DUSP16: variants seen among roughly 807,000 people sequenced by gnomAD.
The protein encoded by DUSP16 is dual specificity phosphatase 16.
In DUSP16, 21 loss-of-function variants were observed where a neutral mutation model predicts 58.3. The ratio of observed to expected loss-of-function variants is 0.36; its 90% CI spans 0.26 to 0.52. The LOEUF is 0.52. Among genes scored for constraint, DUSP16 ranks in the 20% least tolerant of loss-of-function variants. The pLI, the probability that DUSP16 is intolerant of heterozygous loss-of-function variation, is 0.94. For missense variants in DUSP16, 726 were observed against 819.0 expected, an observed-to-expected ratio of 0.89 and a Z score of 1.39; for synonymous variants, 320 against 323.8, an observed-to-expected ratio of 0.99 and a Z score of 0.12.
intron 1 of DUSP16, among the ~76,000 whole-genome samples, chr12:12,530,914 T>C (rs1944374020): frequency 6.6e-6 from 1 of 152,182 alleles, no homozygotes; most frequent in Non-Finnish European, 1.5e-5. Context: ...TTCAAGGTTC[T>C]CTCCTTGTCA....
In DUSP16 at chr12:12,509,836, C is replaced by A. The variant is rs1225806670; in HGVS notation, c.368-9154G>T. The stretch of plus-strand genomic sequence containing the variant: ...AAGGATTTCCTGATTCCATTCAAAG[C>A]CAAAAGCTAGTTGGTGTGGGTGGGG... On this transcript the variant is annotated intron_variant, in intron 3 of 6. Transcript: ENST00000298573. Among the ~76,000 whole-genome samples the A allele has an allele frequency of 5.3e-5, 8 of 152,102 alleles. No individual in the cohort carries two copies. The East Asian group carries it at 1.5e-3, about 29-fold the overall frequency.
At chr12:12,539,885 T>C (rs1182008425) in intron 1 of DUSP16, among the ~76,000 whole-genome samples, 1 of 151,938 alleles carries the variant, frequency 6.6e-6, no homozygotes, top group Non-Finnish European at 1.5e-5. Flanking sequence ...ACCCCGTCTC[T>C]ACTAAAAAAT....
At chr12:12,500,442 A>G (rs1409888904) in intron 4 of DUSP16, 77 bp downstream of exon 4, 21 of 1,470,420 alleles carry the variant, frequency 1.4e-5, no homozygotes, top group Non-Finnish European at 1.9e-5. Flanking sequence ...TGTGTTTCAA[A>G]TGACATAATG....
chr12:12,558,661 T>C (rs939585455), intron 1 of DUSP16, among the ~76,000 whole-genome samples: 1 of 152,206 alleles, frequency 6.6e-6, no homozygotes, highest in Non-Finnish European at 1.5e-5. Context: ...ATTATAGGAA[T>C]GAGCCACCAC....
chr12:12,532,681 C>T (rs975751408), intron 1 of DUSP16, among the ~76,000 whole-genome samples: 3 of 152,188 alleles, frequency 2.0e-5, no homozygotes, highest in African/African-American at 7.2e-5. Context: ...GGCACAGTGG[C>T]TCATGCCTGT....
At chr12:12,511,530 C>A (rs1279582698) in intron 3 of DUSP16, among the ~76,000 whole-genome samples, 1 of 152,046 alleles carries the variant, frequency 6.6e-6, no homozygotes, top group East Asian at 1.9e-4. Flanking sequence ...ATGCGCAGAA[C>A]CCTCCCTACC....
intron 1 of DUSP16, among the ~76,000 whole-genome samples, chr12:12,551,210 G>A (rs945496670): frequency 7.3e-5 from 11 of 151,648 alleles, no homozygotes; most frequent in African/African-American, 2.7e-4. Context: ...AAGAAAAACC[G>A]GCAATATTGG....
intron 3 of DUSP16, among the ~76,000 whole-genome samples, chr12:12,507,110 G>C (rs566262948): frequency 6.6e-6 from 1 of 152,268 alleles, no homozygotes; most frequent in African/African-American, 2.4e-5. Flanking sequence ...ATTCCAATTA[G>C]TCACTCTTTT....
At chr12:12,511,713 T>C (rs1944081647) in intron 3 of DUSP16, among the ~76,000 whole-genome samples, 1 of 152,050 alleles carries the variant, frequency 6.6e-6, no homozygotes, top group Admixed American at 6.5e-5. Flanking sequence ...TTCCCCAAAT[T>C]AACCACTACA....
chr12:12,495,599 T>C (rs2136206709), intron 4 of DUSP16, among the ~76,000 whole-genome samples: 1 of 152,346 alleles, frequency 6.6e-6, no homozygotes, highest in Non-Finnish European at 1.5e-5. Context: ...GACTGTGAAG[T>C]AGTACAGAGA....
rs146020241 is a variant in DUSP16, at chr12:12,487,662, C to CGT, written c.532-477_532-476dup. Among the ~76,000 whole-genome samples the CGT allele has an allele frequency of 6.6e-5, 10 of 151,852 alleles. No homozygotes were observed. The South Asian group carries it at 8.3e-4, about 13-fold the overall frequency. The stretch of plus-strand genomic sequence containing the variant: ...AATTACCAGTTCTACATGCTGATGG[C>CGT]GTGTGTGTGTGTGTCCTCTTAAATT... On this transcript the variant is annotated intron_variant, in intron 4 of 6. Transcript: ENST00000298573.
At chr12:12,504,605 A>G (rs957238733) in intron 3 of DUSP16, among the ~76,000 whole-genome samples, 2 of 151,224 alleles carry the variant, frequency 1.3e-5, no homozygotes, top group African/African-American at 2.4e-5. Context: ...ATATTTTTCA[A>G]TTCTGGCTCT....
Position 12,562,809 on chromosome 12 carries a change from T to C in DUSP16, c.-1058A>G, listed in dbSNP as rs1179352926. ...CCCGGAGCGCGGCTCCGCGCCTCGT[T>C]CCGGCCGCTCGGGGAGGGGTCAGGT... On this transcript the variant is annotated 5_prime_UTR_variant, in exon 1 of 7. Transcript: ENST00000298573. 6.6e-6 allele frequency among the ~76,000 whole-genome samples: 1 copy of C among 151,540 alleles called. No individual in the cohort carries two copies. Among genetic ancestry groups the C allele is most frequent in the African/African-American group, 2.4e-5 (1 of 41,314 alleles).
rs1173572888 is a variant in DUSP16, at chr12:12,474,958, C to T, written c.*1875G>A. On this transcript the variant is annotated 3_prime_UTR_variant, in exon 7 of 7. Transcript: ENST00000298573. ...CTTTCCCAGTATCATAACAATGCGG[C>T]TGACCCTCTTCTGCCTTCACTTTAC... is the stretch of plus-strand genomic sequence containing the variant. 1 of 152,214 alleles carries T rather than the reference C, an allele frequency of 6.6e-6. No individual in the cohort carries two copies. Among genetic ancestry groups the T allele is most frequent in the Non-Finnish European group, 1.5e-5 (1 of 68,038 alleles). The allele number at this position is 152,214 out of a possible 1,614,324, so 9.4% of individuals were successfully genotyped here.
chr12:12,475,716 C>T lies in DUSP16; in HGVS notation c.*1117G>A, dbSNP rs1164615136. 2.6e-5 allele frequency: 4 copies of T among 152,182 alleles called. No homozygotes were observed. The highest frequency in any genetic ancestry group is 4.8e-5 in the African/African-American group (2 of 41,452). The allele number at this position is 152,182 out of a possible 1,614,324, so 9.4% of individuals were successfully genotyped here. A position where few individuals can be genotyped will look rare whatever the true frequency, so the allele number is the denominator to read the frequency against. ...CCTGCTTCTCCTCAGCAATTTGTAC[C>T]TTTCTTAATCTTCCCATAATTTACC... On this transcript the variant is annotated 3_prime_UTR_variant, in exon 7 of 7. Coordinates refer to ENST00000298573, the MANE Select transcript of DUSP16 (RefSeq NM_030640.3).
intron 1 of DUSP16, among the ~76,000 whole-genome samples, chr12:12,528,912 A>C (rs1944343887): frequency 6.6e-6 from 1 of 152,170 alleles, no homozygotes; most frequent in African/African-American, 2.4e-5. Context: ...TTACCTTGAG[A>C]ACATGAGAGA....
In DUSP16 at chr12:12,510,073, A is replaced by T. The variant is rs1487373295; in HGVS notation, c.368-9391T>A. On this transcript the variant is annotated intron_variant, in intron 3 of 6. Transcript: ENST00000298573. ...GGACTTTACATAAAAGGGAAAGAAA[A>T]TTTTTTCTGATGCCCCTAAATGGCG... is the stretch of plus-strand genomic sequence containing the variant. Among the ~76,000 whole-genome samples, 3 of 151,932 alleles carry T rather than the reference A, an allele frequency of 2.0e-5. 1 individual carries two copies. The highest frequency in any genetic ancestry group is 4.4e-5 in the Non-Finnish European group (3 of 67,984).
intron 3 of DUSP16, chr12:12,506,021 T>G (rs1351975426): frequency 6.6e-6 from 1 of 152,210 alleles, no homozygotes; most frequent in Non-Finnish European, 1.5e-5. Flanking sequence ...TTCACTGATC[T>G]TTATCTATGA....
chr12:12,538,828 T>TA (rs1447629873), intron 1 of DUSP16, among the ~76,000 whole-genome samples: 1 of 152,162 alleles, frequency 6.6e-6, no homozygotes, highest in Non-Finnish European at 1.5e-5. Flanking sequence ...GTAAGACAGT[T>TA]AAAGTATGTA....
Sources: gnomAD v4.1 joint callset for allele counts (sites outside exome capture counted in the v4.1 genomes callset) on GRCh38, gnomAD v4.1.1 for gene constraint, MANE v1.5 for transcripts, NCBI Gene and HGNC (gene_info 2026-07-23, HGNC 2026-07-21) for gene names.